The following KCNN2 variants were observed in gnomAD, a reference collection of about 807,000 sequenced individuals.
KCNN2 encodes potassium calcium-activated channel subfamily N member 2, also known as small conductance calcium-activated potassium channel protein 2.
Under a neutral mutation model 55.5 loss-of-function variants are expected in KCNN2, and 24 were observed. The ratio of observed to expected loss-of-function variants is 0.43; its 90% CI spans 0.31 to 0.61. The LOEUF (loss-of-function observed/expected upper bound fraction) is 0.61. KCNN2 is among the 20% of genes least tolerant of loss of function. The pLI, the probability that KCNN2 is intolerant of heterozygous loss-of-function variation, is 0.08. For missense variants in KCNN2, 754 were observed against 853.6 expected (o/e 0.88, Z 1.45); for synonymous variants, 431 against 336.1 (o/e 1.28, Z -3.09).
At chr5:114,248,191 A>G (rs1295056323) in intron 2 of KCNN2, among the ~76,000 whole-genome samples, 4 of 152,168 alleles carry the variant, frequency 2.6e-5, no homozygotes, top group Non-Finnish European at 2.9e-5. Flanking sequence ...AGGGAAGTGT[A>G]TATTAGGGGG....
chr5:114,118,447 A>T (rs1226276149), intron 1 of KCNN2, among the ~76,000 whole-genome samples: 1 of 152,154 alleles, frequency 6.6e-6, no homozygotes. Context: ...ATTCAGTACA[A>T]GTCTGAAGGC....
chr5:114,312,432 CACATATATATAT>C (rs1449255267), intron 2 of KCNN2, among the ~76,000 whole-genome samples: 30 of 19,282 alleles, frequency 1.6e-3, no homozygotes, highest in African/African-American at 3.2e-3. Flanking sequence ...CACACACACA[CACATATATATAT>C]ATATATATAT....
rs529501805 is a variant in KCNN2, at chr5:114,090,924, A to G, written c.-271+34424A>G. Among the ~76,000 whole-genome samples, 8 of 152,050 alleles carry G rather than the reference A, an allele frequency of 5.3e-5. No individual in the cohort carries two copies. The South Asian group carries it at 1.7e-3, about 32-fold the overall frequency. ...ACAGCCTCAACTCACTGCAGCCTTG[A>G]CTTCCAGGGTTCAAGTGATCTGCCC... On this transcript the variant is annotated intron_variant, in intron 1 of 10. Transcript: ENST00000512097.
In KCNN2 at chr5:114,087,155, C is replaced by T. The variant is rs544572740; in HGVS notation, c.-271+30655C>T. On this transcript the variant is annotated intron_variant, in intron 1 of 10. Transcript: ENST00000512097. ...GTTCCTTATTGAGTTGTTTAAGTTC[C>T]TTGTAGATTCTGGATATTAGACCTT... 4.6e-5 allele frequency among the ~76,000 whole-genome samples: 7 copies of T among 151,844 alleles called. No homozygotes were observed. The South Asian group carries it at 1.0e-3, about 23-fold the overall frequency.
At chr5:114,331,243 A>C (rs1282291654) in intron 2 of KCNN2, among the ~76,000 whole-genome samples, 2 of 152,178 alleles carry the variant, frequency 1.3e-5, no homozygotes, top group African/African-American at 4.8e-5. Context: ...TTTGAGAGGA[A>C]ATAATAACCA....
In KCNN2 at chr5:114,463,169, C is replaced by T. The variant is rs750922387; in HGVS notation, c.1758C>T (p.Val586=). 6.2e-7 allele frequency: 1 copy of T among 1,611,270 alleles called. No homozygotes were observed. The highest frequency in any genetic ancestry group is 8.5e-7 in the Non-Finnish European group (1 of 1,178,966). The stretch of plus-strand genomic sequence containing the variant: ...CTAACACATACTGTGGAAAAGGAGT[C>T]TGCTTACTTACTGGAATTATGGTAA... ...MVPNTYCGKG[V]CLLTGIMGAG... Residue 586 remains valine (V), a synonymous_variant, in exon 4 of 8, where the codon GTC becomes GTT. Transcript: ENST00000673685.
intron 5 of KCNN2, among the ~76,000 whole-genome samples, chr5:114,479,592 A>C (rs1055545997): frequency 1.3e-5 from 2 of 152,202 alleles, no homozygotes; most frequent in African/African-American, 4.8e-5. Context: ...TCTGATCGCT[A>C]TGTGGCACTT....
At chr5:114,082,526 A>G (rs190620198) in intron 1 of KCNN2, among the ~76,000 whole-genome samples, 1 of 152,270 alleles carries the variant, frequency 6.6e-6, no homozygotes, top group East Asian at 1.9e-4. Flanking sequence ...GGAAAATAGT[A>G]TGGAAGTTCC....
intron 1 of KCNN2, among the ~76,000 whole-genome samples, chr5:114,158,236 C>T (rs1752683762): frequency 6.6e-6 from 1 of 152,190 alleles, no homozygotes; most frequent in South Asian, 2.1e-4. Context: ...AGCCAGTTTT[C>T]CCAGCAGCAT....
intron 2 of KCNN2, among the ~76,000 whole-genome samples, chr5:114,347,267 G>T (rs987990679): frequency 6.6e-6 from 1 of 152,136 alleles, no homozygotes; most frequent in Non-Finnish European, 1.5e-5. Context: ...AATCTTATAA[G>T]ATACTTACTA....
chr5:114,099,632 A>G (rs1209358906), intron 1 of KCNN2, among the ~76,000 whole-genome samples: 1 of 152,116 alleles, frequency 6.6e-6, no homozygotes, highest in African/African-American at 2.4e-5. Context: ...ACATGCCACC[A>G]TACCTGACTT....
At chr5:114,171,149 G>T (rs964767568) in intron 1 of KCNN2, among the ~76,000 whole-genome samples, 1 of 151,716 alleles carries the variant, frequency 6.6e-6, no homozygotes, top group African/African-American at 2.4e-5. Flanking sequence ...TATATTGTAT[G>T]CATCAATGAC....
At chr5:114,141,336 G>T (rs1752275286) in intron 1 of KCNN2, among the ~76,000 whole-genome samples, 1 of 151,796 alleles carries the variant, frequency 6.6e-6, no homozygotes, top group African/African-American at 2.4e-5. Context: ...GTGTCCATGT[G>T]TTCTCATTGT....
chr5:114,487,993 A>G lies in KCNN2; in HGVS notation c.2018+816A>G, dbSNP rs552494168. On this transcript the variant is annotated intron_variant, in intron 6 of 7. Transcript: ENST00000673685. ...CAAGATGCTTTGGCTATCCAATGAG[A>G]TTTGTCTCTCAGAGCCAACTAGTAT... 6.6e-5 allele frequency among the ~76,000 whole-genome samples: 10 copies of G among 152,318 alleles called. No homozygotes were observed. In the South Asian group the frequency reaches 1.0e-3, roughly 16 times the overall value.
chr5:114,093,130 TCTCTCTCAAGTTCAACGTTGAA>T (rs1056863394), intron 1 of KCNN2, among the ~76,000 whole-genome samples: 5 of 152,166 alleles, frequency 3.3e-5, no homozygotes, highest in South Asian at 2.1e-4. Context: ...TTTCAGATCA[TCTCTCTCAAGTTCAACGTTGAA>T]CTCTCTCAAG....
chr5:114,421,492 T>C (rs1418033279), intron 3 of KCNN2, among the ~76,000 whole-genome samples: 1 of 151,502 alleles, frequency 6.6e-6, no homozygotes, highest in East Asian at 1.9e-4. Flanking sequence ...AGTTTCACCA[T>C]GTCGGCCACG....
intron 2 of KCNN2, among the ~76,000 whole-genome samples, chr5:114,276,580 G>T (rs1382982986): frequency 6.6e-6 from 1 of 151,500 alleles, no homozygotes; most frequent in Non-Finnish European, 1.5e-5. Flanking sequence ...TTACCATTAT[G>T]TAATGACCCT....
chr5:114,341,551 T>G (rs968873841), intron 2 of KCNN2, among the ~76,000 whole-genome samples: 1 of 152,146 alleles, frequency 6.6e-6, no homozygotes, highest in African/African-American at 2.4e-5. Context: ...TTATAATTTA[T>G]GTTGATGTCT....
At chr5:114,104,843 G>T (rs1751447827) in intron 1 of KCNN2, among the ~76,000 whole-genome samples, 1 of 151,836 alleles carries the variant, frequency 6.6e-6, no homozygotes, top group African/African-American at 2.4e-5. Context: ...GAGAGATGGA[G>T]GAAAAATGTT....
Sources: gnomAD v4.1 joint callset for allele counts (sites outside exome capture counted in the v4.1 genomes callset) on GRCh38, gnomAD v4.1.1 for gene constraint, MANE v1.5 for transcripts, NCBI Gene and HGNC (gene_info 2026-07-23, HGNC 2026-07-21) for gene names.